Variants in PPARA observed in about 807,000 individuals in gnomAD.
PPARA encodes the protein peroxisome proliferator activated receptor alpha.
PPARA carries 22 observed loss-of-function variants against 42.2 expected under a neutral mutation model. The ratio of observed to expected loss-of-function variants is 0.52; its 90% confidence interval spans 0.37 to 0.74. The LOEUF is 0.74. Among genes scored for constraint, PPARA ranks in the 30% least tolerant of loss-of-function variants. The pLI is 0.00. For synonymous variants in PPARA, 242 were observed against 239.3 expected (o/e 1.01, Z -0.10); for missense variants, 465 against 608.2 (o/e 0.76, Z 2.48).
At position 46,170,921 on chromosome 22, in the gene PPARA, G is replaced by T. The variant is rs1927926507; in HGVS notation, c.-126-5832G>T. On this transcript the variant is annotated intron_variant, in intron 2 of 8. Coordinates refer to ENST00000407236, the MANE Select transcript of PPARA (RefSeq NM_005036.6). ...TCACGCCTGTAATCCCAGCACTTTG[G>T]GAGGCCGAGACAGCAGATCACCTGA... Among the ~76,000 whole-genome samples, 4 of 151,938 alleles carry T rather than the reference G, an allele frequency of 2.6e-5. No homozygotes were observed. In the South Asian group the frequency reaches 8.3e-4, roughly 32 times the overall value.
chr22:46,206,270 TTG>T (rs58068079), intron 4 of PPARA, among the ~76,000 whole-genome samples: 30,657 of 150,204 alleles, frequency 0.2, 3,449 homozygotes, highest in Middle Eastern at 0.29. Context: ...CCCGGCTAAT[TTG>T]TGTGTGTGTG....
chr22:46,164,568 G>C (rs1464049282), intron 2 of PPARA: 2 of 152,206 alleles, frequency 1.3e-5, no homozygotes, highest in African/African-American at 4.8e-5. Context: ...ATGCTTTCTT[G>C]ATTTGTCTGT....
At chr22:46,207,666 T>TTAC in intron 4 of PPARA, among the ~76,000 whole-genome samples, 1 of 116,964 alleles carries the variant, frequency 8.5e-6, no homozygotes, top group Non-Finnish European at 1.7e-5. Flanking sequence ...ATTATTATTA[T>TTAC]TATTATTATT....
intron 7 of PPARA, chr22:46,220,249 G>A (rs910084721): frequency 1.7e-6 from 1 of 573,076 alleles, no homozygotes; most frequent in East Asian, 3.2e-5. Context: ...TATTATACTG[G>A]CTATGTAATT....
Position 46,232,981 on chromosome 22 carries a change from C to CA in PPARA, c.1159+762dup, listed in dbSNP as rs71192405. 5.1e-3 allele frequency among the ~76,000 whole-genome samples: 478 copies of CA among 93,484 alleles called. 3 individuals carry two copies. The highest frequency in any genetic ancestry group is 0.013 in the South Asian group (32 of 2,488). 61.3% of individuals were successfully genotyped at this position (93,484 alleles called of 152,430 possible). A position where few individuals can be genotyped will look rare whatever the true frequency, so the allele number is the denominator to read the frequency against. ...TGGGCGACGAAGAATGACCCTGTCT[C>CA]AAAAAAAAAAAAAAAAAAAATTATA... On this transcript the variant is annotated intron_variant, in intron 8 of 8. Coordinates refer to ENST00000407236, the MANE Select transcript of PPARA (RefSeq NM_005036.6). The surrounding 1 kb of genome is among the most constrained non-coding windows in gnomAD (Gnocchi z 5.3).
chr22:46,176,161 A>C (rs1929019915), intron 2 of PPARA: 1 of 151,030 alleles, frequency 6.6e-6, no homozygotes, highest in African/African-American at 2.4e-5. Context: ...GGATGGATGG[A>C]TGGACGGACG....
intron 4 of PPARA, among the ~76,000 whole-genome samples, 162 bp downstream of exon 4, chr22:46,198,753 T>G (rs954767361): frequency 6.8e-6 from 1 of 146,998 alleles, no homozygotes; most frequent in African/African-American, 2.5e-5. Context: ...CTCCACCTCC[T>G]GGGTTCACAC....
At chr22:46,205,554 A>ATAT (rs1569226294) in intron 4 of PPARA, among the ~76,000 whole-genome samples, 16 of 12,928 alleles carry the variant, frequency 1.2e-3, no homozygotes, top group East Asian at 3.9e-3. Context: ...ATATATATAT[A>ATAT]TTTTTTTTTT....
intron 7 of PPARA, among the ~76,000 whole-genome samples, chr22:46,226,788 G>A (rs1168668204): frequency 1.3e-5 from 2 of 152,168 alleles, no homozygotes; most frequent in Non-Finnish European, 2.9e-5. Context: ...CAGGAGGATG[G>A]AGGTCAAGAC....
At position 46,167,284 on chromosome 22, in the gene PPARA, A is replaced by G. The variant is rs1454862684; in HGVS notation, c.-126-9469A>G. On this transcript the variant is annotated intron_variant, in intron 2 of 8. Transcript: ENST00000407236. The surrounding 1 kb of genome is among the most constrained non-coding windows in gnomAD (Gnocchi z 4.1). ...TAGTATATATCATGTTACATATTAT[A>G]TTATGTAATATATATTATATGATAC... Among the ~76,000 whole-genome samples the G allele has an allele frequency of 6.6e-6, 1 of 151,012 alleles. No homozygotes were observed. The highest frequency in any genetic ancestry group is 1.9e-4 in the East Asian group (1 of 5,180).
At position 46,171,431 on chromosome 22, in the gene PPARA, G is replaced by A. The variant is rs1928019041; in HGVS notation, c.-126-5322G>A. 1 of 152,732 alleles carries A rather than the reference G, an allele frequency of 6.5e-6. No individual in the cohort carries two copies. The highest frequency in any genetic ancestry group is 6.5e-5 in the Admixed American group (1 of 15,276). 9.5% of individuals were successfully genotyped at this position (152,732 alleles called of 1,614,324 possible). On this transcript the variant is annotated intron_variant, in intron 2 of 8. Coordinates refer to ENST00000407236, the MANE Select transcript of PPARA (RefSeq NM_005036.6). This position sits in a 1 kb window ranked among gnomAD's most constrained non-coding sequence, Gnocchi z 5.0. ...CAGACAGGTCATGAGTGGAGTGATG[G>A]AGCAGCTGGCCTGGTGACTTAGCCG...
Position 46,161,546 on chromosome 22 carries a change from A to G in PPARA, c.-127+9576A>G, listed in dbSNP as rs956134974. 3.3e-5 allele frequency among the ~76,000 whole-genome samples: 5 copies of G among 152,174 alleles called. No homozygotes were observed. The highest frequency in any genetic ancestry group is 9.7e-5 in the African/African-American group (4 of 41,424). On this transcript the variant is annotated intron_variant, in intron 2 of 8. Coordinates refer to ENST00000407236, the MANE Select transcript of PPARA (RefSeq NM_005036.6). This position sits in a 1 kb window ranked among gnomAD's most constrained non-coding sequence, Gnocchi z 4.8. ...GGCTGCAGTGAACCAAGATTGTGCC[A>G]CTGCACTCCAGCCTGGCAACAGCGA...
chr22:46,215,536 G>C lies in PPARA; in HGVS notation c.369+203G>C, dbSNP rs7286742. Among the ~76,000 whole-genome samples the C allele has an allele frequency of 5.9e-3, 892 of 152,054 alleles. 8 individuals carry two copies. The highest frequency in any genetic ancestry group is 0.02 in the African/African-American group (822 of 41,480). Reference sequence around the variant, plus strand: ...GTGGATCACCTGAGATCAGGAGTTCGATACCAGCCTGGCCAACATGATGAA... The same window carrying C: ...GTGGATCACCTGAGATCAGGAGTTCCATACCAGCCTGGCCAACATGATGAA... On this transcript the variant is annotated intron_variant, in intron 5 of 8. Coordinates refer to ENST00000407236, the MANE Select transcript of PPARA (RefSeq NM_005036.6).
intron 3 of PPARA, among the ~76,000 whole-genome samples, chr22:46,194,496 C>T (rs1410271115): frequency 6.6e-6 from 1 of 151,650 alleles, no homozygotes; most frequent in East Asian, 1.9e-4. Context: ...GTGCTGAGAA[C>T]ACGATGGGCG....
At chr22:46,157,235 A>T (rs545479528) in intron 2 of PPARA, among the ~76,000 whole-genome samples, 4 of 152,328 alleles carry the variant, frequency 2.6e-5, no homozygotes, top group African/African-American at 9.6e-5. Context: ...GTACCTGATT[A>T]ATAGAATTTA....
chr22:46,198,005 G>A (rs1932491696), intron 3 of PPARA, among the ~76,000 whole-genome samples: 1 of 151,772 alleles, frequency 6.6e-6, no homozygotes, highest in African/African-American at 2.4e-5. Flanking sequence ...GCTGAGGCGA[G>A]CGGAATACGA....
At chr22:46,179,675 C>G (rs1036824409) in intron 3 of PPARA, among the ~76,000 whole-genome samples, 1 of 151,804 alleles carries the variant, frequency 6.6e-6, no homozygotes, top group African/African-American at 2.4e-5. Context: ...ATAGATATGA[C>G]ACCGAGAACA....
At position 46,221,772 on chromosome 22, in the gene PPARA, C is replaced by G. The variant is rs1480406142; in HGVS notation, c.711+1758C>G. 1.3e-5 allele frequency among the ~76,000 whole-genome samples: 2 copies of G among 151,590 alleles called. No individual in the cohort carries two copies. Among genetic ancestry groups the G allele is most frequent in the Non-Finnish European group, 2.9e-5 (2 of 67,962 alleles). ...CGAGATCGTGCCACTGCACTTCCAG[C>G]CTGGGCGACAAAGCCAGCTGTGTCT... On this transcript the variant is annotated intron_variant, in intron 7 of 8. Transcript: ENST00000407236. The surrounding 1 kb of genome is among the most constrained non-coding windows in gnomAD (Gnocchi z 5.9).
chr22:46,153,163 CTTTT>C (rs996863467), intron 2 of PPARA, among the ~76,000 whole-genome samples: 671 of 109,150 alleles, frequency 6.1e-3, no homozygotes, highest in African/African-American at 0.023. Flanking sequence ...TTCCCACATC[CTTTT>C]TTTTTTTTTT....
Sources: gnomAD v4.1 joint callset for allele counts (sites outside exome capture counted in the v4.1 genomes callset) on GRCh38, gnomAD v4.1.1 for gene constraint, Gnocchi (gnomAD v3.1) non-coding constraint, MANE v1.5 for transcripts, NCBI Gene and HGNC (gene_info 2026-07-23, HGNC 2026-07-21) for gene names.